Variants in NT5DC4 observed in about 807,000 individuals in gnomAD.
NT5DC4 encodes 5'-nucleotidase domain-containing protein 4.
NT5DC4 carries 44 observed loss-of-function variants against 26.6 expected under a neutral mutation model. That is an observed-to-expected ratio of 1.65 (90% CI 1.30 to 2.13). The LOEUF (loss-of-function observed/expected upper bound fraction) is 2.13, where lower values mean the gene tolerates loss of function less well. Ranked by LOEUF, NT5DC4 falls within the 30% of genes most tolerant of loss-of-function variation. The pLI is 0.00. For synonymous variants in NT5DC4, 157 were observed against 86.7 expected (o/e 1.81, Z -4.51); for missense variants, 399 against 228.1 (o/e 1.75, Z -4.83).
chr2:112,735,734 T>A (rs1679066209), intron 16 of NT5DC4, among the ~76,000 whole-genome samples: 1 of 152,138 alleles, frequency 6.6e-6, no homozygotes, highest in African/African-American at 2.4e-5. Context: ...GTCCCAGAAT[T>A]AGGGTGCAGT....
At chr2:112,723,520 C>A in intron 8 of NT5DC4, 52 bp downstream of exon 8, 2 of 713,358 alleles carry the variant, frequency 2.8e-6, no homozygotes, top group Middle Eastern at 2.4e-4. Context: ...AGCAGCAGGG[C>A]TGCCCCCGCA....
downstream of NT5DC4, chr2:112,742,796 A>T (rs1362063003): frequency 6.4e-7 from 1 of 1,556,628 alleles, no homozygotes; most frequent in Admixed American, 1.9e-5. Context: ...AAACATACAA[A>T]ATCTTAAAAA....
chr2:112,733,766 G>A (rs1270894547), intron 16 of NT5DC4, among the ~76,000 whole-genome samples: 1 of 152,180 alleles, frequency 6.6e-6, no homozygotes, highest in Non-Finnish European at 1.5e-5. Context: ...TTCTGGCATC[G>A]TCTTGAGCAG....
At chr2:112,741,488 G>A (rs2104857065), downstream of NT5DC4, among the ~76,000 whole-genome samples, 1 of 152,292 alleles carries the variant, frequency 6.6e-6, no homozygotes, top group African/African-American at 2.4e-5. Context: ...TTTCATGGTA[G>A]CCCAAACACA....
chr2:112,735,823 A>T (rs1220640769), intron 16 of NT5DC4, among the ~76,000 whole-genome samples: 1 of 152,208 alleles, frequency 6.6e-6, no homozygotes, highest in African/African-American at 2.4e-5. Flanking sequence ...GACGAGGCTG[A>T]TCGAAACCTC....
chr2:112,722,353 G>A (rs1036723514), intron 4 of NT5DC4, 75 bp downstream of exon 4: 1 of 713,856 alleles, frequency 1.4e-6, no homozygotes, highest in Non-Finnish European at 2.6e-6. Flanking sequence ...GACAGAGGGA[G>A]GGAGGGAGGA....
At chr2:112,719,922 TTCTCTTTCTTTC>T (rs1558714674), upstream of NT5DC4, among the ~76,000 whole-genome samples, 6 of 90,062 alleles carry the variant, frequency 6.7e-5, no homozygotes, top group South Asian at 8.0e-4. Context: ...CTTTCTTTCT[TTCTCTTTCTTTC>T]TTTCTTTCTT....
chr2:112,724,359 G>T, intron 10 of NT5DC4: 1 of 598,830 alleles, frequency 1.7e-6, no homozygotes, highest in Admixed American at 2.9e-5. Flanking sequence ...AGTCAGGTAT[G>T]TGGGGACGGG....
intron 14 of NT5DC4, among the ~76,000 whole-genome samples, 176 bp downstream of exon 14, chr2:112,726,465 A>T (rs2104750713): frequency 1.3e-5 from 2 of 152,142 alleles, no homozygotes; most frequent in Middle Eastern, 6.8e-3. Context: ...CCCCCTTGGG[A>T]CTGCTCACAC....
At chr2:112,736,169 A>T (rs949217844) in intron 16 of NT5DC4, among the ~76,000 whole-genome samples, 5 of 152,244 alleles carry the variant, frequency 3.3e-5, no homozygotes, top group Admixed American at 1.3e-4. Context: ...CGACGGGCTT[A>T]GGACAGTGTC....
chr2:112,724,942 A>G, intron 11 of NT5DC4, 36 bp downstream of exon 11: 1 of 713,830 alleles, frequency 1.4e-6, no homozygotes, highest in Non-Finnish European at 2.6e-6. Context: ...ACGGTTGGGG[A>G]GGGCAGCCTG....
rs1340928390 is a variant in NT5DC4, at chr2:112,723,766, G to A, written c.720G>A (p.Val240=). The change falls in exon 9 of 17, where the codon GTG becomes GTA. Residue 240 remains valine, a synonymous_variant. Coordinates refer to ENST00000688554, the MANE Select transcript of NT5DC4 (RefSeq NM_001393655.1). ...LLGKMKEVGK[V]FLATNSSYNY... ...GGAAGATGAAGGAGGTTGGGAAAGT[G>A]TTTCTGGCCACCAACAGCAGCTACA... 4.2e-6 allele frequency: 3 copies of A among 716,968 alleles called. No individual in the cohort carries two copies. Among genetic ancestry groups the A allele is most frequent in the African/African-American group, 3.5e-5 (2 of 57,256 alleles). The allele number at this position is 716,968 out of a possible 1,614,324, so 44.4% of individuals were successfully genotyped here. A position where few individuals can be genotyped will look rare whatever the true frequency, so the allele number is the denominator to read the frequency against.
intron 9 of NT5DC4, 34 bp from the exon 10 acceptor site, chr2:112,724,060 G>A (rs559630926): frequency 5.6e-6 from 4 of 716,998 alleles, no homozygotes; most frequent in African/African-American, 3.5e-5. Context: ...GGTGGCCCAA[G>A]CTTGGTGCCC....
Position 112,721,462 on chromosome 2 carries a change from G to A in NT5DC4, c.74+309G>A, listed in dbSNP as rs562602177. The A allele has an allele frequency of 3.5e-4, 251 of 717,706 alleles. No homozygotes were observed. The African/African-American group carries it at 3.8e-3, about 11-fold the overall frequency. 44.5% of individuals were successfully genotyped at this position (717,706 alleles called of 1,614,324 possible). A position where few individuals can be genotyped will look rare whatever the true frequency, so the allele number is the denominator to read the frequency against. ...CATCATCTCTGAATTTGGACACTGG[G>A]GTCCCATTTCAGAAGGTGACAACCC... On this transcript the variant is annotated intron_variant, in intron 1 of 16. Transcript: ENST00000688554.
intron 8 of NT5DC4, 93 bp from the exon 9 acceptor site, chr2:112,723,626 G>A (rs1677269686): frequency 1.5e-6 from 1 of 686,284 alleles, no homozygotes; most frequent in Non-Finnish European, 2.7e-6. Context: ...TGCCTGGGCT[G>A]GGGTGGGCTC....
chr2:112,722,227 A>G lies in NT5DC4; in HGVS notation c.311A>G (p.Asp104Gly). 1.4e-6 allele frequency: 1 copy of G among 716,834 alleles called. No homozygotes were observed. Among genetic ancestry groups the G allele is most frequent in the Non-Finnish European group, 2.6e-6 (1 of 385,034 alleles). 44.4% of individuals were successfully genotyped at this position (716,834 alleles called of 1,614,324 possible). Residue 104 changes from aspartate to glycine, a missense_variant, in exon 4 of 17, where the codon GAC becomes GGC. Coordinates refer to ENST00000688554, the MANE Select transcript of NT5DC4 (RefSeq NM_001393655.1). ...DELYGNLLKV[D>G]AHGNVLLGAY... is the part of the protein sequence containing the mutation. ...CTCTATGGGAACCTGCTGAAGGTGGACGCCCACGGGAATGTGCTGCTGGGT... is the reference window on the plus strand; with the variant it reads ...CTCTATGGGAACCTGCTGAAGGTGGGCGCCCACGGGAATGTGCTGCTGGGT...
At chr2:112,736,463 C>CA (rs1679186079) in intron 16 of NT5DC4, 1 of 152,148 alleles carries the variant, frequency 6.6e-6, no homozygotes, top group South Asian at 2.1e-4. Context: ...ATTATCATCT[C>CA]AGTTTTTTTG....
Position 112,722,275 on chromosome 2 carries a change from C to T in NT5DC4, c.359C>T (p.Ser120Leu), listed in dbSNP as rs914027149. ...GGTGCCTATGGCTTCACCTTCCTCT[C>T]GGAGTAAGGGACAAAGGTGCCGGGA... ...LLGAYGFTFL[S>L]DLPLLRAEIW... Residue 120 changes from serine (S) to leucine (L), a missense_variant, in exon 4 of 17, where the codon TCG (serine) becomes TTG (leucine). Physicochemically the swap from Ser to Leu is moderately radical, Grantham distance 145 (BLOSUM62 -2). Coordinates refer to ENST00000688554, the MANE Select transcript of NT5DC4 (RefSeq NM_001393655.1). The T allele has an allele frequency of 7.0e-6, 5 of 716,872 alleles. No homozygotes were observed. The highest frequency in any genetic ancestry group is 1.7e-5 in the African/African-American group (1 of 57,248). 44.4% of individuals were successfully genotyped at this position (716,872 alleles called of 1,614,324 possible).
downstream of NT5DC4, chr2:112,741,018 A>C: frequency 1.3e-6 from 2 of 1,562,906 alleles, no homozygotes; most frequent in African/African-American, 1.4e-5. Flanking sequence ...CTGTGTATGT[A>C]AGATCATGAA....
Sources: gnomAD v4.1 joint callset for allele counts (sites outside exome capture counted in the v4.1 genomes callset) on GRCh38, gnomAD v4.1.1 for gene constraint, MANE v1.5 for transcripts, NCBI Gene and HGNC (gene_info 2026-07-23, HGNC 2026-07-21) for gene names.